Variants in RPS6KA2 observed in about 807,000 individuals in gnomAD.
RPS6KA2 encodes the protein ribosomal protein S6 kinase alpha-2.
RPS6KA2 carries 42 observed loss-of-function variants against 91.8 expected under a neutral mutation model. That is an observed-to-expected ratio of 0.46 (90% CI 0.36 to 0.59). RPS6KA2 has a LOEUF of 0.59. RPS6KA2 is among the 20% of genes least tolerant of loss of function. The pLI, the probability that RPS6KA2 is intolerant of heterozygous loss-of-function variation, is 0.00. For missense variants in RPS6KA2, 798 were observed against 978.5 expected (o/e 0.82, Z 2.46); for synonymous variants, 414 against 393.6 (o/e 1.05, Z -0.61).
rs529767434 is a variant in RPS6KA2, at chr6:166,557,217, A to C, written c.100-18433T>G. On this transcript the variant is annotated intron_variant, in intron 1 of 20. Transcript: ENST00000265678. This position sits in a 1 kb window ranked among gnomAD's most constrained non-coding sequence, Gnocchi z 4.8. ...GGCAGTTCCCACCCAGCCAACAGGC[A>C]GAGGCAGCTGCAGCCTGAGTGCGCA... 6.6e-6 allele frequency among the ~76,000 whole-genome samples: 1 copy of C among 152,372 alleles called. No individual in the cohort carries two copies. The highest frequency in any genetic ancestry group is 1.9e-4 in the East Asian group (1 of 5,188).
chr6:166,857,105 G>T (rs1429360372), intron 2 of RPS6KA2, among the ~76,000 whole-genome samples: 1 of 152,162 alleles, frequency 6.6e-6, no homozygotes, highest in African/African-American at 2.4e-5. Flanking sequence ...AAGATCCAGC[G>T]ACACTTGGCT....
Position 166,557,422 on chromosome 6 carries a change from G to T in RPS6KA2, c.100-18638C>A, listed in dbSNP as rs79854040. Among the ~76,000 whole-genome samples, 845 of 152,362 alleles carry T rather than the reference G, an allele frequency of 5.5e-3. 9 individuals are homozygous for T. The highest frequency in any genetic ancestry group is 0.019 in the African/African-American group (786 of 41,582). On this transcript the variant is annotated intron_variant, in intron 1 of 20. Coordinates refer to ENST00000265678, the MANE Select transcript of RPS6KA2 (RefSeq NM_021135.6). This position sits in a 1 kb window ranked among gnomAD's most constrained non-coding sequence, Gnocchi z 4.8. ...TGAAAATGAACTGTTCTCCCACTGAGCTGTGCCTCAACCCAAATTAACCTG... is the reference window on the plus strand; with the variant it reads ...TGAAAATGAACTGTTCTCCCACTGATCTGTGCCTCAACCCAAATTAACCTG...
At chr6:166,796,188 C>A (rs1039397012) in intron 2 of RPS6KA2, among the ~76,000 whole-genome samples, 27 of 152,160 alleles carry the variant, frequency 1.8e-4, no homozygotes, top group African/African-American at 6.5e-4. Flanking sequence ...TACGATAAAT[C>A]CCCACTCTGA....
intron 14 of RPS6KA2, among the ~76,000 whole-genome samples, chr6:166,436,569 C>A (rs890419295): frequency 6.6e-6 from 1 of 152,244 alleles, no homozygotes; most frequent in Admixed American, 6.5e-5. Context: ...AAGGCCTCGG[C>A]CCGACACTTC....
At chr6:166,757,732 C>A (rs940254252) in intron 2 of RPS6KA2, 21 of 342,038 alleles carry the variant, frequency 6.1e-5, no homozygotes, top group Non-Finnish European at 1.8e-5. Context: ...CCCCTCACCC[C>A]TCTCCAGGCA....
intron 14 of RPS6KA2, among the ~76,000 whole-genome samples, chr6:166,446,801 C>T (rs1319320923): frequency 6.6e-6 from 1 of 152,202 alleles, no homozygotes; most frequent in African/African-American, 2.4e-5. Flanking sequence ...TTTCTTTGAG[C>T]TCACTGGGAA....
At chr6:166,611,795 C>G (rs1022575157) in intron 1 of RPS6KA2, among the ~76,000 whole-genome samples, 4 of 152,180 alleles carry the variant, frequency 2.6e-5, no homozygotes, top group Non-Finnish European at 4.4e-5. Flanking sequence ...CAGGACTCCA[C>G]GTTTCCATGT....
chr6:166,472,312 G>A (rs1414674184), intron 10 of RPS6KA2, among the ~76,000 whole-genome samples: 1 of 152,160 alleles, frequency 6.6e-6, no homozygotes, highest in Non-Finnish European at 1.5e-5. Flanking sequence ...TTGCAAATAT[G>A]GTCTGCAGGA....
intron 2 of RPS6KA2, among the ~76,000 whole-genome samples, chr6:166,830,753 G>A (rs1279500875): frequency 2.0e-5 from 3 of 152,158 alleles, no homozygotes; most frequent in East Asian, 1.9e-4. Context: ...ATCTGAAAGC[G>A]GGGGCTGAAA....
chr6:166,544,552 T>C (rs948191786), intron 1 of RPS6KA2: 3 of 152,118 alleles, frequency 2.0e-5, no homozygotes, highest in Non-Finnish European at 4.4e-5. Context: ...AACCAAAGAC[T>C]CTTAAGAACC....
Position 166,542,827 on chromosome 6 carries a change from T to C in RPS6KA2, c.100-4043A>G, listed in dbSNP as rs368301757. Among the ~76,000 whole-genome samples, 51 of 152,214 alleles carry C rather than the reference T, an allele frequency of 3.4e-4. 1 individual carries two copies. The East Asian group carries it at 9.3e-3, about 28-fold the overall frequency. On this transcript the variant is annotated intron_variant, in intron 1 of 20. Coordinates refer to ENST00000265678, the MANE Select transcript of RPS6KA2 (RefSeq NM_021135.6). ...CTGAATCACCTGCTCTTCATGTCAT[T>C]AAAGGGATAATATTTATAAAAAGTG...
At position 166,638,049 on chromosome 6, in the gene RPS6KA2, G is replaced by A. The variant is rs919713674; in HGVS notation, c.124-99265C>T. ...AGCCTTCGCCCAGGGGCACGGCCTC[G>A]GTTCACCGCCTGTGTGAAAACAGCA... On this transcript the variant is annotated intron_variant, in intron 2 of 21. Coordinates refer to the RPS6KA2 transcript ENST00000503859. 2.6e-5 allele frequency among the ~76,000 whole-genome samples: 4 copies of A among 152,384 alleles called. No homozygotes were observed. The South Asian group carries it at 8.3e-4, about 32-fold the overall frequency.
At chr6:166,802,881 A>T (rs1009402838) in intron 2 of RPS6KA2, among the ~76,000 whole-genome samples, 1 of 152,206 alleles carries the variant, frequency 6.6e-6, no homozygotes. Flanking sequence ...TGTTTAAATG[A>T]TAATCTTCAT....
intron 17 of RPS6KA2, among the ~76,000 whole-genome samples, chr6:166,420,412 C>A (rs929444150): frequency 6.6e-6 from 1 of 152,164 alleles, no homozygotes; most frequent in African/African-American, 2.4e-5. Context: ...AACTCCCTGT[C>A]CCCCAGCCCC....
Position 166,825,964 on chromosome 6 carries a change from G to GAAAGT in RPS6KA2, c.123+32231_123+32235dup, listed in dbSNP as rs1780040311. ...CCTTTCACGTCAACATTTGTGAGTA[G>GAAAGT]AAAGTAAAGAAAATTGGATCAAATT... On this transcript the variant is annotated intron_variant, in intron 2 of 21. Coordinates refer to the RPS6KA2 transcript ENST00000503859. This position sits in a 1 kb window ranked among gnomAD's most constrained non-coding sequence, Gnocchi z 4.1. 6.6e-6 allele frequency among the ~76,000 whole-genome samples: 1 copy of GAAAGT among 152,170 alleles called. No homozygotes were observed. The highest frequency in any genetic ancestry group is 1.5e-5 in the Non-Finnish European group (1 of 68,012).
chr6:166,627,216 G>T lies in RPS6KA2; in HGVS notation c.-197C>A. ...GGCCACCGCGGCCGGGGCCACAATC[G>T]CTCCCTCCGCCTCCTTCTCCGCCTC... On this transcript the variant is annotated 5_prime_UTR_variant, in exon 1 of 21. Coordinates refer to ENST00000265678, the MANE Select transcript of RPS6KA2 (RefSeq NM_021135.6). 9.7e-7 allele frequency: 1 copy of T among 1,030,418 alleles called. No homozygotes were observed. Among genetic ancestry groups the T allele is most frequent in the Non-Finnish European group, 1.2e-6 (1 of 860,428 alleles). 63.8% of individuals were successfully genotyped at this position (1,030,418 alleles called of 1,614,324 possible). A position where few individuals can be genotyped will look rare whatever the true frequency, so the allele number is the denominator to read the frequency against.
At chr6:166,816,429 C>T (rs909621010) in intron 2 of RPS6KA2, among the ~76,000 whole-genome samples, 2 of 150,060 alleles carry the variant, frequency 1.3e-5, no homozygotes, top group Admixed American at 1.3e-4. Flanking sequence ...GTGGCACACA[C>T]CTGTGATCCC....
rs185942084 is a variant in RPS6KA2 at position 166,593,429 on chromosome 6, C to T, written c.99+33492G>A. 1.9e-3 allele frequency among the ~76,000 whole-genome samples: 295 copies of T among 152,314 alleles called. 1 individual carries two copies. The highest frequency in any genetic ancestry group is 6.8e-3 in the African/African-American group (283 of 41,570). On this transcript the variant is annotated intron_variant, in intron 1 of 20. Coordinates refer to ENST00000265678, the MANE Select transcript of RPS6KA2 (RefSeq NM_021135.6). Reference sequence around the variant, plus strand: ...TAAAACCATATGCTGGCTCACACTACAGTCAACTGGAATTATTGTGATCAA... The same window carrying T: ...TAAAACCATATGCTGGCTCACACTATAGTCAACTGGAATTATTGTGATCAA...
intron 2 of RPS6KA2, among the ~76,000 whole-genome samples, chr6:166,673,557 A>C (rs965019277): frequency 1.3e-5 from 2 of 152,174 alleles, no homozygotes; most frequent in South Asian, 4.1e-4. Flanking sequence ...GCCAGCTGCT[A>C]TTTGATGGAT....
Sources: allele counts gnomAD v4.1 joint callset (sites outside exome capture counted in the v4.1 genomes callset), GRCh38; gene constraint gnomAD v4.1.1; non-coding constraint Gnocchi (gnomAD v3.1); transcripts MANE v1.5; gene names NCBI Gene and HGNC (gene_info 2026-07-23, HGNC 2026-07-21).